The following TUSC3 variants were observed in gnomAD, a reference collection of about 807,000 sequenced individuals.
TUSC3 encodes the protein tumor suppressor candidate 3.
Under a neutral mutation model 44.8 loss-of-function variants are expected in TUSC3, and 45 were observed. The ratio of observed to expected loss-of-function variants is 1.00; its 90% CI spans 0.79 to 1.29. The LOEUF is 1.29. Ranked by LOEUF, TUSC3 falls within the 50% of genes most tolerant of loss-of-function variation. The pLI is 0.00. For missense variants in TUSC3, 519 were observed against 437.9 expected (o/e 1.19, Z -1.65); for synonymous variants, 212 against 152.9 (o/e 1.39, Z -2.85).
chr8:15,787,993 C>T, the TUSC3 span, among the ~76,000 whole-genome samples: 3 of 152,262 alleles, frequency 2.0e-5, no homozygotes, highest in East Asian at 1.9e-4. Flanking sequence ...AAGGATAATT[C>T]TGAAGAAGTA....
At chr8:15,591,462 T>C (rs570496632) in intron 1 of TUSC3, among the ~76,000 whole-genome samples, 311 of 152,314 alleles carry the variant, frequency 2.0e-3, no homozygotes, top group Non-Finnish European at 3.7e-3. Context: ...ACAGGCAATG[T>C]ACAAAACTCT....
At chr8:15,434,333 T>C (rs10283178) in intron 1 of TUSC3, among the ~76,000 whole-genome samples, 1,891 of 152,278 alleles carry the variant, frequency 0.012, 39 homozygotes, top group African/African-American at 0.044. Flanking sequence ...TTAAGTAGTT[T>C]GGATACAAAT....
intron 6 of TUSC3, among the ~76,000 whole-genome samples, chr8:15,705,852 A>G (rs551437914): frequency 6.6e-6 from 1 of 152,142 alleles, no homozygotes; most frequent in Non-Finnish European, 1.5e-5. Flanking sequence ...TTTACAACTT[A>G]CATATTATCA....
At chr8:15,785,324 C>A in the TUSC3 span, among the ~76,000 whole-genome samples, 1 of 152,112 alleles carries the variant, frequency 6.6e-6, no homozygotes, top group Non-Finnish European at 1.5e-5. Flanking sequence ...ATTGGTACAA[C>A]CAATACATTG....
intron 6 of TUSC3, among the ~76,000 whole-genome samples, chr8:15,692,383 T>G (rs1206748974): frequency 3.5e-4 from 49 of 140,416 alleles, no homozygotes; most frequent in African/African-American, 1.1e-3. Flanking sequence ...TTGTTTTTTT[T>G]TTTTTTTTTT....
intron 2 of TUSC3, among the ~76,000 whole-genome samples, chr8:15,639,845 C>T (rs1283328683): frequency 1.4e-5 from 2 of 139,818 alleles, no homozygotes; most frequent in Non-Finnish European, 3.1e-5. Context: ...AGTAAAACCA[C>T]TTCAGATATA....
chr8:15,571,001 G>C (rs1445539922), intron 1 of TUSC3, among the ~76,000 whole-genome samples: 1 of 67,468 alleles, frequency 1.5e-5, no homozygotes, highest in Admixed American at 1.9e-4. Context: ...GTGTCACCCA[G>C]GCTGAAGTGC....
chr8:15,501,940 A>G (rs186855702), intron 2 of TUSC3, among the ~76,000 whole-genome samples: 2 of 152,326 alleles, frequency 1.3e-5, no homozygotes, highest in East Asian at 3.9e-4. Flanking sequence ...GGAAGTAACG[A>G]CTGATAACTT....
At chr8:15,589,316 T>A (rs1803726378) in intron 1 of TUSC3, among the ~76,000 whole-genome samples, 1 of 152,192 alleles carries the variant, frequency 6.6e-6, no homozygotes, top group South Asian at 2.1e-4. Context: ...TACATTTTGA[T>A]TCAGACTCTG....
At chr8:15,465,554 T>C (rs1800403392) in intron 1 of TUSC3, among the ~76,000 whole-genome samples, 1 of 152,200 alleles carries the variant, frequency 6.6e-6, no homozygotes, top group African/African-American at 2.4e-5. Context: ...AAAATACACC[T>C]TATATTTAAT....
chr8:15,806,849 G>T, the TUSC3 span: 1 of 1,009,182 alleles, frequency 9.9e-7, no homozygotes, highest in Non-Finnish European at 1.6e-6. Context: ...AACGTCTAGA[G>T]TCTTCATAGT....
intron 1 of TUSC3, among the ~76,000 whole-genome samples, chr8:15,569,261 C>A (rs1802782166): frequency 6.6e-6 from 1 of 152,128 alleles, no homozygotes; most frequent in Admixed American, 6.6e-5. Flanking sequence ...TCTTCCATTG[C>A]ACTGTTCTGC....
At chr8:15,843,417 T>A in the TUSC3 span, among the ~76,000 whole-genome samples, 1 of 152,072 alleles carries the variant, frequency 6.6e-6, no homozygotes, top group African/African-American at 2.4e-5. Context: ...ATTTAACTCT[T>A]CGATTTTTAA....
intron 2 of TUSC3, among the ~76,000 whole-genome samples, chr8:15,529,057 C>A (rs1801417225): frequency 6.6e-6 from 1 of 152,192 alleles, no homozygotes; most frequent in Non-Finnish European, 1.5e-5. Context: ...ATAGAACATG[C>A]TACACAAGTA....
At chr8:15,600,181 C>CT (rs1804226839) in intron 1 of TUSC3, among the ~76,000 whole-genome samples, 2 of 151,824 alleles carry the variant, frequency 1.3e-5, no homozygotes, top group Non-Finnish European at 3.0e-5. Flanking sequence ...CTATAAAATT[C>CT]TAATTCATTT....
intron 1 of TUSC3, among the ~76,000 whole-genome samples, chr8:15,422,245 A>T (rs1278645230): frequency 6.6e-6 from 1 of 152,232 alleles, no homozygotes; most frequent in Non-Finnish European, 1.5e-5. Context: ...GATATGAAGT[A>T]GTAAGTAAAC....
chr8:15,590,634 A>G (rs139563449), intron 1 of TUSC3, among the ~76,000 whole-genome samples: 99 of 151,504 alleles, frequency 6.5e-4, no homozygotes, highest in African/African-American at 2.2e-3. Flanking sequence ...ATAAATATTT[A>G]TTTTTATTTA....
At chr8:15,801,982 G>A in the TUSC3 span, among the ~76,000 whole-genome samples, 2 of 152,096 alleles carry the variant, frequency 1.3e-5, no homozygotes, top group Non-Finnish European at 2.9e-5. Flanking sequence ...AGGTCCTTTG[G>A]GACCTTCACT....
intron 10 of TUSC3, among the ~76,000 whole-genome samples, chr8:15,758,737 A>G (rs1042461724): frequency 7.9e-5 from 12 of 152,052 alleles, no homozygotes; most frequent in Admixed American, 3.3e-4. Flanking sequence ...TTGACTATCC[A>G]TGTTCTGGTC....
Sources: allele counts gnomAD v4.1 joint callset (sites outside exome capture counted in the v4.1 genomes callset), GRCh38; gene constraint gnomAD v4.1.1; transcripts MANE v1.5; gene names NCBI Gene and HGNC (gene_info 2026-07-23, HGNC 2026-07-21).